Variants in FAM117B observed in about 807,000 individuals in gnomAD.
The protein encoded by FAM117B is family with sequence similarity 117 member B.
Under a neutral mutation model 52.8 loss-of-function variants are expected in FAM117B, and 22 were observed. The ratio of observed to expected loss-of-function variants is 0.42; its 90% CI spans 0.30 to 0.59. FAM117B has a LOEUF of 0.59. FAM117B is among the 20% of genes least tolerant of loss of function. FAM117B has a pLI of 0.22. For missense variants in FAM117B, 678 were observed against 802.6 expected, an observed-to-expected ratio of 0.84 and a Z score of 1.88; for synonymous variants, 309 against 324.1, an observed-to-expected ratio of 0.95 and a Z score of 0.50.
At chr2:202,695,320 G>A (rs1199541923) in intron 1 of FAM117B, among the ~76,000 whole-genome samples, 1 of 151,956 alleles carries the variant, frequency 6.6e-6, no homozygotes, top group Non-Finnish European at 1.5e-5. Context: ...AGATTAAGTG[G>A]AAAATTTCAA....
intron 1 of FAM117B, among the ~76,000 whole-genome samples, chr2:202,672,650 T>G (rs1211040776): frequency 6.6e-6 from 1 of 152,236 alleles, no homozygotes; most frequent in African/African-American, 2.4e-5. Flanking sequence ...ACAAATGCGG[T>G]GGAATTTTCT....
At chr2:202,648,936 T>C (rs1327687384) in intron 1 of FAM117B, among the ~76,000 whole-genome samples, 2 of 151,962 alleles carry the variant, frequency 1.3e-5, no homozygotes, top group Non-Finnish European at 2.9e-5. Flanking sequence ...GTATTTTTAG[T>C]AGAGATGGTG....
intron 2 of FAM117B, among the ~76,000 whole-genome samples, chr2:202,703,678 A>G (rs750822492): frequency 1.4e-4 from 21 of 152,174 alleles, no homozygotes; most frequent in South Asian, 8.3e-4. Context: ...TGGGTGAATA[A>G]TATTCCATTT....
rs1354896296 is a variant in FAM117B, at chr2:202,655,747, A to AGTGT, written c.601+19960_601+19961insTGTG. On this transcript the variant is annotated intron_variant, in intron 1 of 7. Transcript: ENST00000392238. ...GAGAGAGAGAGAGAGAGAGAGAGAGAGAGAGAGAGAGAGAGTGTGTGTGTG... is the reference window on the plus strand; with the variant it reads ...GAGAGAGAGAGAGAGAGAGAGAGAGAGTGTGAGAGAGAGAGAGAGTGTGTGTGTG... Among the ~76,000 whole-genome samples, 241 of 133,180 alleles carry AGTGT rather than the reference A, an allele frequency of 1.8e-3. 1 individual carries two copies. The highest frequency in any genetic ancestry group is 8.7e-3 in the African/African-American group (227 of 26,008). 87.4% of individuals were successfully genotyped at this position (133,180 alleles called of 152,430 possible).
chr2:202,722,458 TG>T (rs1691171295), intron 2 of FAM117B, among the ~76,000 whole-genome samples: 1 of 152,210 alleles, frequency 6.6e-6, no homozygotes, highest in Non-Finnish European at 1.5e-5. Flanking sequence ...AAGGAAAATG[TG>T]GTGCATATAC....
At position 202,664,787 on chromosome 2, in the gene FAM117B, T is replaced by A. The variant is rs115006898; in HGVS notation, c.601+28999T>A. 7.2e-3 allele frequency among the ~76,000 whole-genome samples: 1,103 copies of A among 152,288 alleles called. 10 individuals are homozygous for A. The highest frequency in any genetic ancestry group is 0.026 in the African/African-American group (1,066 of 41,556). ...TAGTTTTGGCCTCGCTTATAAGAAG[T>A]CAGTCTGAAGGAATTACGGGTTTCT... On this transcript the variant is annotated intron_variant, in intron 1 of 7. Transcript: ENST00000392238.
intron 7 of FAM117B, among the ~76,000 whole-genome samples, chr2:202,764,047 G>C (rs895185372): frequency 1.3e-5 from 2 of 152,172 alleles, no homozygotes; most frequent in African/African-American, 4.8e-5. Context: ...TTGGCAGTCT[G>C]TGTGGTAAAG....
intron 1 of FAM117B, among the ~76,000 whole-genome samples, chr2:202,667,618 A>C (rs1329612223): frequency 1.3e-5 from 2 of 152,126 alleles, no homozygotes; most frequent in Non-Finnish European, 2.9e-5. Context: ...CCTGAATGGT[A>C]CTGGTGTTAT....
chr2:202,739,701 C>A (rs763234075), intron 4 of FAM117B, among the ~76,000 whole-genome samples: 1 of 152,110 alleles, frequency 6.6e-6, no homozygotes, highest in African/African-American at 2.4e-5. Context: ...AAGCAGTCCT[C>A]CCTCGGACTC....
chr2:202,766,061 A>AAC lies in FAM117B; in HGVS notation c.*342_*343dup, dbSNP rs34556556. The AAC allele has an allele frequency of 0.03, 5,989 of 202,948 alleles. 109 individuals are homozygous for AAC. Among genetic ancestry groups the AAC allele is most frequent in the East Asian group, 0.037 (258 of 6,958 alleles). 12.6% of individuals were successfully genotyped at this position (202,948 alleles called of 1,614,324 possible). ...TTGTTTTCGAATTAGACTTCTTTAA[A>AAC]ACACACACACACACACACACACACA... On this transcript the variant is annotated 3_prime_UTR_variant, in exon 8 of 8. Transcript: ENST00000392238.
intron 2 of FAM117B, among the ~76,000 whole-genome samples, chr2:202,705,283 G>A (rs936585967): frequency 6.6e-6 from 1 of 150,688 alleles, no homozygotes; most frequent in Non-Finnish European, 1.5e-5. Context: ...TCCAGTCTGG[G>A]CAACAAGAGT....
At chr2:202,708,436 A>G (rs905975364) in intron 2 of FAM117B, among the ~76,000 whole-genome samples, 6 of 152,100 alleles carry the variant, frequency 3.9e-5, no homozygotes, top group African/African-American at 1.4e-4. Context: ...ATAATATTCC[A>G]TTGTATGTAT....
chr2:202,638,199 A>G (rs1280134798), intron 1 of FAM117B, among the ~76,000 whole-genome samples: 1 of 152,214 alleles, frequency 6.6e-6, no homozygotes, highest in Non-Finnish European at 1.5e-5. Flanking sequence ...ACTCTTACAG[A>G]TATGAACAAA....
At chr2:202,759,200 T>A (rs370126696) in intron 6 of FAM117B, 33 bp from the exon 7 acceptor site, 16 of 1,611,810 alleles carry the variant, frequency 9.9e-6, no homozygotes, top group Non-Finnish European at 1.4e-5. Context: ...GACTATACAT[T>A]TATGTAGTAA....
At chr2:202,675,535 A>G (rs1690365794) in intron 1 of FAM117B, among the ~76,000 whole-genome samples, 1 of 149,552 alleles carries the variant, frequency 6.7e-6, no homozygotes, top group Non-Finnish European at 1.5e-5. Flanking sequence ...CCTCTTTAGT[A>G]CCCCTCATTT....
At chr2:202,688,019 C>T (rs907130409) in intron 1 of FAM117B, among the ~76,000 whole-genome samples, 3 of 151,966 alleles carry the variant, frequency 2.0e-5, no homozygotes, top group African/African-American at 7.2e-5. Flanking sequence ...TCATTTTTTC[C>T]TAAATTTTCC....
intron 2 of FAM117B, among the ~76,000 whole-genome samples, chr2:202,704,968 G>C (rs1690850927): frequency 6.6e-6 from 1 of 151,992 alleles, no homozygotes; most frequent in Admixed American, 6.6e-5. Flanking sequence ...TTGGAAATGG[G>C]AGAAGGATTC....
intron 7 of FAM117B, among the ~76,000 whole-genome samples, chr2:202,759,557 A>ATT (rs554908259): frequency 1.4e-5 from 2 of 140,916 alleles, no homozygotes; most frequent in African/African-American, 2.6e-5. Flanking sequence ...AGCCTGGCTA[A>ATT]TTTTTTTTTT....
intron 1 of FAM117B, among the ~76,000 whole-genome samples, chr2:202,650,260 G>C (rs1689937219): frequency 6.6e-6 from 1 of 152,160 alleles, no homozygotes; most frequent in East Asian, 1.9e-4. Context: ...AGATTTGGTA[G>C]ATGAAAGAGT....
Sources: allele counts gnomAD v4.1 joint callset (sites outside exome capture counted in the v4.1 genomes callset), GRCh38; gene constraint gnomAD v4.1.1; transcripts MANE v1.5; gene names NCBI Gene and HGNC (gene_info 2026-07-23, HGNC 2026-07-21).